POMT1: variants seen among roughly 807,000 people sequenced by gnomAD.
POMT1 encodes protein O-mannosyl-transferase 1.
A neutral mutation model predicts 101.6 loss-of-function variants in POMT1; 85 were observed. That is an observed-to-expected ratio of 0.84 (90% confidence interval 0.70 to 1.00). POMT1 has a LOEUF of 1.00. Among genes scored for constraint, POMT1 ranks in the 50% least tolerant of loss-of-function variants. The pLI, the probability that POMT1 is intolerant of heterozygous loss-of-function variation, is 0.00. For synonymous variants in POMT1, 371 were observed against 383.0 expected (o/e 0.97, Z 0.37); for missense variants, 857 against 930.4 (o/e 0.92, Z 1.03).
At chr9:131,511,129 G>C in intron 9 of POMT1, 1 of 571,720 alleles carries the variant, frequency 1.7e-6, no homozygotes, top group Non-Finnish European at 3.0e-6. Flanking sequence ...TGAGTGCCTG[G>C]CCCAGAGGCA....
chr9:131,520,061 G>A lies in POMT1; in HGVS notation c.1585-19G>A. 2.5e-6 allele frequency: 4 copies of A among 1,601,290 alleles called. No homozygotes were observed. Among genetic ancestry groups the A allele is most frequent in the Non-Finnish European group, 3.4e-6 (4 of 1,168,984 alleles). ...GGCATCCCCCATCCTCAATCTCAGA[G>A]GCCTCTGCTTTGTTCCAGTGGAGGA... On this transcript the variant is annotated intron_variant, in intron 16 of 19. Transcript: ENST00000402686.
At chr9:131,510,654 C>T (rs1946920066) in intron 9 of POMT1, 2 of 550,942 alleles carry the variant, frequency 3.6e-6, no homozygotes, top group Non-Finnish European at 6.5e-6. Flanking sequence ...CAAGCACCTG[C>T]AACCACACCC....
chr9:131,516,207 CAG>C (rs1948531080), intron 13 of POMT1, among the ~76,000 whole-genome samples: 1 of 146,486 alleles, frequency 6.8e-6, no homozygotes, highest in Admixed American at 6.8e-5. Flanking sequence ...CTTCCTCACA[CAG>C]AGCACTTCCT....
At position 131,515,452 on chromosome 9, in the gene POMT1, C is replaced by T. The variant is rs201568375; in HGVS notation, c.1202C>T (p.Pro401Leu). ...CATGATGTTGCAGCCCCCCTGAGCC[C>T]CCATTCACAGGAGGTCTCCTGCTAC... ...NTHDVAAPLS[P>L]HSQEVSCYID... is the part of the protein sequence containing the mutation. Residue 401 changes from proline to leucine, a missense_variant, in exon 13 of 20, where the codon CCC becomes CTC. By Grantham distance (98) the Pro-to-Leu change is moderately conservative (BLOSUM62 -3). Coordinates refer to ENST00000402686, the MANE Select transcript of POMT1 (RefSeq NM_001077365.2). 1 of 1,614,210 alleles carries T rather than the reference C, an allele frequency of 6.2e-7. No individual in the cohort carries two copies. The highest frequency in any genetic ancestry group is 2.2e-5 in the East Asian group (1 of 44,886).
Position 131,510,316 on chromosome 9 carries a change from C to T in POMT1, c.756C>T (p.Val252=), listed in dbSNP as rs1286632929. ...CAGTGGCTTTGCTGGTCATCCCGGT[C>T]GTCCTGTACTTACTGTTCTTCTACG... is the stretch of plus-strand genomic sequence containing the variant. ...ARAVALLVIP[V]VLYLLFFYVH... is the part of the protein sequence containing the mutation. The change falls in exon 9 of 20, where the codon GTC becomes GTT. Residue 252 remains valine, a synonymous_variant. Coordinates refer to ENST00000402686, the MANE Select transcript of POMT1 (RefSeq NM_001077365.2). The T allele has an allele frequency of 6.8e-6, 11 of 1,614,174 alleles. No individual in the cohort carries two copies. Among genetic ancestry groups the T allele is most frequent in the East Asian group, 2.2e-5 (1 of 44,884 alleles).
rs1547768 is a variant in POMT1, at chr9:131,518,776, A to G, written c.1366-61A>G. Reference sequence around the variant, plus strand: ...CGGGCAGGGGTTCCCCTTCCAACCCAAGTGGACACGGGAGCCACGGCCTTC... The same window carrying G: ...CGGGCAGGGGTTCCCCTTCCAACCCGAGTGGACACGGGAGCCACGGCCTTC... On this transcript the variant is annotated intron_variant, in intron 14 of 19. Transcript: ENST00000402686. 1,515,121 of 1,613,206 alleles carry G rather than the reference A, an allele frequency of 0.94. 713,756 individuals carry two copies. Among genetic ancestry groups the G allele is most frequent in the South Asian group, 0.97 (88,353 of 91,036 alleles).
Position 131,522,315 on chromosome 9 carries a change from TC to T in POMT1, c.2003+92del. 2 of 1,578,064 alleles carry T rather than the reference TC, an allele frequency of 1.3e-6. No individual in the cohort carries two copies. The highest frequency in any genetic ancestry group is 1.7e-6 in the Non-Finnish European group (2 of 1,167,282). ...GCAAACACATGGGGTGCAGCGAACC[TC>T]ACCCATTTCACGTTACACTGACATC... On this transcript the variant is annotated intron_variant, in intron 19 of 19. Transcript: ENST00000402686. The surrounding 1 kb of genome is among the most constrained non-coding windows in gnomAD (Gnocchi z 5.5).
At position 131,523,066 on chromosome 9, in the gene POMT1, G is replaced by C. The variant is rs938573554; in HGVS notation, c.2138G>C (p.Arg713Pro). Residue 713 changes from arginine to proline, a missense_variant, in exon 20 of 20, where the codon CGC (arginine) becomes CCC (proline). Physicochemically the swap from Arg to Pro is moderately radical, Grantham distance 103. Coordinates refer to ENST00000402686, the MANE Select transcript of POMT1 (RefSeq NM_001077365.2). Reference protein sequence around the residue: ...SLSPHELKALRWKDSWDILIR... With the variant: ...SLSPHELKALPWKDSWDILIR... ...TCGCCACATGAACTCAAGGCCCTTC[G>C]CTGGAAAGACAGCTGGGACATCTTG... 3 of 1,611,406 alleles carry C rather than the reference G, an allele frequency of 1.9e-6. No individual in the cohort carries two copies. Among genetic ancestry groups the C allele is most frequent in the Non-Finnish European group, 2.5e-6 (3 of 1,179,888 alleles).
rs763171876 is a variant in POMT1 at position 131,507,532 on chromosome 9, G to A, written c.427+18G>A. On this transcript the variant is annotated intron_variant, in intron 5 of 19. Coordinates refer to ENST00000402686, the MANE Select transcript of POMT1 (RefSeq NM_001077365.2). ...GCTTATCGGTAAGACCTGCGCCCCT[G>A]CCTGCTCTTGCTGTCATGCAGGGAA... The A allele has an allele frequency of 6.2e-7, 1 of 1,613,728 alleles. No homozygotes were observed. Among genetic ancestry groups the A allele is most frequent in the East Asian group, 2.2e-5 (1 of 44,882 alleles).
At chr9:131,515,132 G>A (rs768439406) in intron 12 of POMT1, among the ~76,000 whole-genome samples, 29 of 152,318 alleles carry the variant, frequency 1.9e-4, no homozygotes, top group East Asian at 5.8e-4. Flanking sequence ...CTGGGCGCAC[G>A]GTTCCTTCCT....
chr9:131,506,484 G>GA, intron 4 of POMT1, 31 bp downstream of exon 4: 1 of 1,581,356 alleles, frequency 6.3e-7, no homozygotes. Flanking sequence ...CCCTTTTAAT[G>GA]TGCGCAGGTT....
Position 131,512,795 on chromosome 9 carries a change from A to G in POMT1, c.1083-444A>G, listed in dbSNP as rs148413328. ...TCCTGGTAATTTTTGTATTTTTAGT[A>G]GAGACGGGGTTTCACCATGTTGGCC... On this transcript the variant is annotated intron_variant, in intron 11 of 19. Coordinates refer to ENST00000402686, the MANE Select transcript of POMT1 (RefSeq NM_001077365.2). Among the ~76,000 whole-genome samples, 9 of 152,202 alleles carry G rather than the reference A, an allele frequency of 5.9e-5. No individual in the cohort carries two copies. In the East Asian group the frequency reaches 1.7e-3, roughly 29 times the overall value.
chr9:131,512,145 A>G lies in POMT1; in HGVS notation c.1082+9A>G, dbSNP rs748375995. ...GTAAAGGATCCCAGGAGGTGAGTGC[A>G]GGTCCTGTGACTCCAGAGCAGAGCT... On this transcript the variant is annotated intron_variant, in intron 11 of 19. Transcript: ENST00000402686. 5 of 1,613,384 alleles carry G rather than the reference A, an allele frequency of 3.1e-6. No homozygotes were observed. Among genetic ancestry groups the G allele is most frequent in the Non-Finnish European group, 4.2e-6 (5 of 1,179,794 alleles).
Position 131,513,224 on chromosome 9 carries a change from C to A in POMT1, c.1083-15C>A. 1 of 1,609,868 alleles carries A rather than the reference C, an allele frequency of 6.2e-7. No homozygotes were observed. Reference sequence around the variant, plus strand: ...ACCAGGCTCTGTGTGGTCCCGACAGCACTGTGTCTTCCAGGCACCAGCTGG... The same window carrying A: ...ACCAGGCTCTGTGTGGTCCCGACAGAACTGTGTCTTCCAGGCACCAGCTGG... On this transcript the variant is annotated splice_polypyrimidine_tract_variant and intron_variant, in intron 11 of 19. Coordinates refer to ENST00000402686, the MANE Select transcript of POMT1 (RefSeq NM_001077365.2).
intron 4 of POMT1, 84 bp from the exon 5 acceptor site, chr9:131,507,284 G>A (rs894098669): frequency 6.3e-6 from 10 of 1,592,402 alleles, no homozygotes; most frequent in Admixed American, 5.0e-5. Flanking sequence ...TGAACATGAC[G>A]GCGCTATGTG....
chr9:131,520,041 C>T (rs750391311), intron 16 of POMT1, 39 bp from the exon 17 acceptor site: 263 of 1,538,892 alleles, frequency 1.7e-4, no homozygotes, highest in Admixed American at 2.9e-4. Flanking sequence ...CGGGAGGCAT[C>T]CCCCATCCTC....
chr9:131,506,453 G>A lies in POMT1; in HGVS notation c.280G>A (p.Glu94Lys), dbSNP rs777533386. Residue 94 changes from glutamate to lysine, a missense_variant and splice_region_variant, in exon 4 of 20, where the codon GAA becomes AAA. Physicochemically the swap from Glu to Lys is moderately conservative, Grantham distance 56. Transcript: ENST00000402686. ...GNFLWNRIGA[E>K]YSSNVPVWSL... ...TTTTTTGTGGAACAGAATTGGAGCA[G>A]GTAAAAGATAATTTTCATTTCCCTT... is the stretch of plus-strand genomic sequence containing the variant. 20 of 1,609,622 alleles carry A rather than the reference G, an allele frequency of 1.2e-5. No individual in the cohort carries two copies. The highest frequency in any genetic ancestry group is 1.6e-5 in the Non-Finnish European group (19 of 1,175,962).
In POMT1 at chr9:131,510,124, G is replaced by A. The variant is rs192930930; in HGVS notation, c.699+128G>A. 1,737 of 1,611,160 alleles carry A rather than the reference G, an allele frequency of 1.1e-3. 4 individuals are homozygous for A. Among genetic ancestry groups the A allele is most frequent in the Non-Finnish European group, 1.4e-3 (1,601 of 1,178,532 alleles). On this transcript the variant is annotated intron_variant, in intron 8 of 19. Coordinates refer to ENST00000402686, the MANE Select transcript of POMT1 (RefSeq NM_001077365.2). ...GAAGCAGGCAGGCCTGGGCAGCCTC[G>A]CCTCTTGGCCTCTGCAGGTGCCTCT...
Position 131,519,059 on chromosome 9 carries a change from G to A in POMT1, c.1486+102G>A, listed in dbSNP as rs1949361494. The stretch of plus-strand genomic sequence containing the variant: ...CTCATTTTGGTGGGAAGGGAACTGA[G>A]CACATTCTCCATGCTCGGTGGCAGG... On this transcript the variant is annotated intron_variant, in intron 15 of 19. Coordinates refer to ENST00000402686, the MANE Select transcript of POMT1 (RefSeq NM_001077365.2). The surrounding 1 kb of genome is among the most constrained non-coding windows in gnomAD (Gnocchi z 4.3). 6.4e-7 allele frequency: 1 copy of A among 1,560,406 alleles called. No individual in the cohort carries two copies. Among genetic ancestry groups the A allele is most frequent in the South Asian group, 1.1e-5 (1 of 87,852 alleles).
Sources: gnomAD v4.1 joint callset for allele counts (sites outside exome capture counted in the v4.1 genomes callset) on GRCh38, gnomAD v4.1.1 for gene constraint, Gnocchi (gnomAD v3.1) non-coding constraint, MANE v1.5 for transcripts, NCBI Gene and HGNC (gene_info 2026-07-23, HGNC 2026-07-21) for gene names.